Variants in DEPDC5 observed in about 807,000 individuals in gnomAD.
The protein encoded by DEPDC5 is DEP domain containing 5, GATOR1 subcomplex subunit, also known as GATOR1 complex protein DEPDC5.
DEPDC5 carries 73 observed loss-of-function variants against 217.3 expected under a neutral mutation model. The observed-to-expected ratio is 0.34, with a 90% confidence interval of 0.28 to 0.41. The LOEUF is 0.41. DEPDC5 is among the 10% of genes least tolerant of loss of function. The probability of loss-of-function intolerance (pLI) is 1.00; values close to 1 mark genes in which losing one functional copy is unlikely to be tolerated. For missense variants in DEPDC5, 1,675 were observed against 2,070.1 expected (o/e 0.81, Z 3.70); for synonymous variants, 733 against 756.7 (o/e 0.97, Z 0.51).
intron 38 of DEPDC5, among the ~76,000 whole-genome samples, chr22:31,881,022 A>T (rs1460459820): frequency 6.6e-6 from 1 of 150,908 alleles, no homozygotes; most frequent in African/African-American, 2.4e-5. Flanking sequence ...CTCAAAAAAA[A>T]AAAAAAGGGC....
intron 22 of DEPDC5, among the ~76,000 whole-genome samples, chr22:31,820,331 C>G (rs1356243537): frequency 3.9e-5 from 6 of 152,148 alleles, no homozygotes; most frequent in Non-Finnish European, 8.8e-5. Flanking sequence ...AGGCTGGTCT[C>G]AAACTCCTGA....
chr22:31,879,131 C>CAT (rs912456561), intron 37 of DEPDC5, among the ~76,000 whole-genome samples: 2 of 133,698 alleles, frequency 1.5e-5, no homozygotes, highest in Admixed American at 1.6e-4. Flanking sequence ...TATATATATA[C>CAT]ATATATATTT....
At chr22:31,816,889 C>A in intron 21 of DEPDC5, 1 of 153,942 alleles carries the variant, frequency 6.5e-6, no homozygotes, top group South Asian at 2.0e-4. Context: ...GTGCTTTGTT[C>A]ACCTGGACAT....
chr22:31,834,518 CTT>C (rs367796337), intron 25 of DEPDC5, among the ~76,000 whole-genome samples: 18 of 141,012 alleles, frequency 1.3e-4, no homozygotes, highest in Non-Finnish European at 9.4e-5. Flanking sequence ...TTTGTCCCCA[CTT>C]TTTTTTTTTT....
intron 41 of DEPDC5, among the ~76,000 whole-genome samples, chr22:31,905,567 G>A (rs2093742647): frequency 6.6e-6 from 1 of 152,058 alleles, no homozygotes. Flanking sequence ...ACATGAGGTA[G>A]ATTCCAGTGA....
intron 31 of DEPDC5, among the ~76,000 whole-genome samples, chr22:31,849,414 C>T (rs1419914749): frequency 6.6e-6 from 1 of 152,106 alleles, no homozygotes; most frequent in Non-Finnish European, 1.5e-5. Flanking sequence ...GAAGGGGAAG[C>T]AAACACGTGC....
intron 31 of DEPDC5, among the ~76,000 whole-genome samples, chr22:31,856,925 A>C (rs1175113127): frequency 1.3e-5 from 2 of 151,998 alleles, no homozygotes; most frequent in African/African-American, 4.8e-5. Context: ...GTGCACTGCC[A>C]CACCGGGCTA....
intron 26 of DEPDC5, among the ~76,000 whole-genome samples, chr22:31,837,956 G>A (rs1449153914): frequency 1.3e-5 from 2 of 152,102 alleles, no homozygotes; most frequent in Admixed American, 1.3e-4. Flanking sequence ...ACCCACCTCG[G>A]CCTCCCAAAG....
At chr22:31,768,733 A>G (rs2083045743) in intron 6 of DEPDC5, 81 bp from the exon 7 acceptor site, 5 of 1,226,560 alleles carry the variant, frequency 4.1e-6, no homozygotes, top group South Asian at 1.3e-5. Context: ...TCATGGCCTT[A>G]ATATGTTAAT....
intron 38 of DEPDC5, among the ~76,000 whole-genome samples, chr22:31,883,568 T>C (rs145221312): frequency 6.6e-6 from 1 of 152,256 alleles, no homozygotes; most frequent in Non-Finnish European, 1.5e-5. Flanking sequence ...GAGCAGAAAA[T>C]CTTCATTAAT....
intron 38 of DEPDC5, among the ~76,000 whole-genome samples, chr22:31,889,541 C>A: frequency 1.0e-5 from 1 of 99,592 alleles, no homozygotes; most frequent in African/African-American, 3.9e-5. Flanking sequence ...GGCAAAACTT[C>A]TTTTTTTTTT....
At position 31,804,169 on chromosome 22, in the gene DEPDC5, T is replaced by C; in HGVS notation, c.1089T>C (p.Gly363=). Residue 363 remains glycine, a synonymous_variant, in exon 16 of 43, where the codon GGT becomes GGC. Transcript: ENST00000651528. ...TKQRMIDNGI[G]VDLVCMGEQP... ...TGTCTTTTCTTTTTTTAGGAATTGG[T>C]GTGGATTTGGTGTGCATGGGAGAGC... The C allele has an allele frequency of 5.0e-6, 8 of 1,613,970 alleles. No individual in the cohort carries two copies. The highest frequency in any genetic ancestry group is 6.8e-6 in the Non-Finnish European group (8 of 1,179,938).
chr22:31,812,606 A>T lies in DEPDC5; in HGVS notation c.1445+1965A>T, dbSNP rs1287593947. On this transcript the variant is annotated intron_variant, in intron 20 of 42. Coordinates refer to ENST00000651528, the MANE Select transcript of DEPDC5 (RefSeq NM_001242896.3). ...CGCCCAGCTAATTTTTTGTATTTTT[A>T]GTAGAGACGGGGTTTCACCGTGTTA... Among the ~76,000 whole-genome samples, 10 of 136,714 alleles carry T rather than the reference A, an allele frequency of 7.3e-5. 2 individuals are homozygous for T. Among genetic ancestry groups the T allele is most frequent in the Non-Finnish European group, 1.3e-4 (8 of 60,676 alleles). The allele number at this position is 136,714 out of a possible 152,430, so 89.7% of individuals were successfully genotyped here. A position where few individuals can be genotyped will look rare whatever the true frequency, so the allele number is the denominator to read the frequency against.
chr22:31,873,405 G>A, intron 35 of DEPDC5, 73 bp downstream of exon 35: 2 of 1,542,276 alleles, frequency 1.3e-6, no homozygotes, highest in Non-Finnish European at 1.8e-6. Context: ...TAGGCAGCGT[G>A]GTTTGGTAGA....
At chr22:31,785,271 A>G (rs1431722298) in intron 10 of DEPDC5, among the ~76,000 whole-genome samples, 1 of 149,878 alleles carries the variant, frequency 6.7e-6, no homozygotes, top group Non-Finnish European at 1.5e-5. Flanking sequence ...AAAATCCTCA[A>G]ACTCCACAAA....
intron 31 of DEPDC5, among the ~76,000 whole-genome samples, chr22:31,856,167 A>G (rs921222563): frequency 2.0e-5 from 3 of 150,962 alleles, no homozygotes; most frequent in Non-Finnish European, 4.4e-5. Flanking sequence ...ACACACACAC[A>G]CACACACACA....
In DEPDC5 at chr22:31,792,567, C is replaced by T. The variant is rs2085786054; in HGVS notation, c.695-178C>T. 8 of 424,836 alleles carry T rather than the reference C, an allele frequency of 1.9e-5. No individual in the cohort carries two copies. The South Asian group carries it at 2.0e-4, about 10-fold the overall frequency. The allele number at this position is 424,836 out of a possible 1,614,324, so 26.3% of individuals were successfully genotyped here. A position where few individuals can be genotyped will look rare whatever the true frequency, so the allele number is the denominator to read the frequency against. ...GTTGCAGTGAGCTGAGATCTTACCA[C>T]TGCACTCCAGTCTGGGTGACAGAGT... On this transcript the variant is annotated intron_variant, in intron 11 of 42. Transcript: ENST00000651528.
chr22:31,821,929 G>T (rs1318443151), intron 23 of DEPDC5, among the ~76,000 whole-genome samples: 1 of 152,192 alleles, frequency 6.6e-6, no homozygotes, highest in Non-Finnish European at 1.5e-5. Context: ...TCAGTCAAAG[G>T]TGAATCCAAG....
chr22:31,852,026 AC>A (rs1473056632), intron 31 of DEPDC5, among the ~76,000 whole-genome samples: 1 of 152,142 alleles, frequency 6.6e-6, no homozygotes, highest in African/African-American at 2.4e-5. Context: ...CCCCATCTCT[AC>A]AAAAAATTAG....
Sources: allele counts gnomAD v4.1 joint callset (sites outside exome capture counted in the v4.1 genomes callset), GRCh38; gene constraint gnomAD v4.1.1; transcripts MANE v1.5; gene names NCBI Gene and HGNC (gene_info 2026-07-23, HGNC 2026-07-21).